The following SCAPER variants were observed in gnomAD, a reference collection of about 807,000 sequenced individuals.
SCAPER encodes the protein S phase cyclin A-associated protein in the endoplasmic reticulum.
Under a neutral mutation model 182.2 loss-of-function variants are expected in SCAPER, and 98 were observed. That is an observed-to-expected ratio of 0.54 (90% CI 0.46 to 0.64). The LOEUF is 0.64. Ranked by LOEUF, SCAPER falls within the 30% of genes least tolerant of loss-of-function variation. SCAPER has a pLI of 0.00. For synonymous variants in SCAPER, 605 were observed against 564.6 expected, an observed-to-expected ratio of 1.07 and a Z score of -1.01; for missense variants, 1,432 against 1,690.0, an observed-to-expected ratio of 0.85 and a Z score of 2.68.
At chr15:76,730,597 C>T (rs1459292552) in intron 16 of SCAPER, among the ~76,000 whole-genome samples, 1 of 151,650 alleles carries the variant, frequency 6.6e-6, no homozygotes, top group African/African-American at 2.4e-5. Context: ...AAAAAAATTC[C>T]TCTTATAGTC....
chr15:76,468,717 G>A (rs2049889802), intron 25 of SCAPER, among the ~76,000 whole-genome samples: 1 of 152,086 alleles, frequency 6.6e-6, no homozygotes, highest in Non-Finnish European at 1.5e-5. Context: ...ATCATTTACT[G>A]TATGTACTAG....
chr15:76,632,250 C>T (rs1210349375), intron 21 of SCAPER, among the ~76,000 whole-genome samples: 1 of 152,102 alleles, frequency 6.6e-6, no homozygotes, highest in African/African-American at 2.4e-5. Flanking sequence ...AGTGCAGTGG[C>T]ACAATCTCAG....
At chr15:76,477,058 T>C (rs1359423993) in intron 24 of SCAPER, among the ~76,000 whole-genome samples, 1 of 152,110 alleles carries the variant, frequency 6.6e-6, no homozygotes, top group Non-Finnish European at 1.5e-5. Context: ...AACTTAGGTG[T>C]TGAAGTTACA....
chr15:76,518,595 A>T (rs1259151320), intron 23 of SCAPER, among the ~76,000 whole-genome samples: 1 of 152,038 alleles, frequency 6.6e-6, no homozygotes, highest in African/African-American at 2.4e-5. Flanking sequence ...GGAGCTAGAG[A>T]CCCTCCTGTT....
In SCAPER at chr15:76,348,380, A is replaced by G. The variant is rs2040310678; in HGVS notation, c.*253T>C. ...CACCCATATCACAAATGCAAAGTAT[A>G]TATTATCATAAGATGGAAATTACCA... On this transcript the variant is annotated 3_prime_UTR_variant, in exon 32 of 32. Transcript: ENST00000563290. 3.7e-6 allele frequency: 1 copy of G among 268,852 alleles called. No individual in the cohort carries two copies. The highest frequency in any genetic ancestry group is 7.0e-6 in the Non-Finnish European group (1 of 142,310). The allele number at this position is 268,852 out of a possible 1,614,324, so 16.7% of individuals were successfully genotyped here. A position where few individuals can be genotyped will look rare whatever the true frequency, so the allele number is the denominator to read the frequency against.
rs187419464 is a variant in SCAPER at position 76,765,741 on chromosome 15, C to T, written c.1420-103G>A. 52 of 957,852 alleles carry T rather than the reference C, an allele frequency of 5.4e-5. No individual in the cohort carries two copies. In the East Asian group the frequency reaches 1.3e-3, roughly 24 times the overall value. 59.3% of individuals were successfully genotyped at this position (957,852 alleles called of 1,614,324 possible). A position where few individuals can be genotyped will look rare whatever the true frequency, so the allele number is the denominator to read the frequency against. ...ATGTCCTACCTATTGTTAATATATTCTATTTAACCAACAGTTGAAAACCAG... is the reference window on the plus strand; with the variant it reads ...ATGTCCTACCTATTGTTAATATATTTTATTTAACCAACAGTTGAAAACCAG... On this transcript the variant is annotated intron_variant, in intron 11 of 31. Coordinates refer to ENST00000563290, the MANE Select transcript of SCAPER (RefSeq NM_020843.4).
intron 4 of SCAPER, among the ~76,000 whole-genome samples, chr15:76,843,082 AC>A (rs1265768308): frequency 6.6e-6 from 1 of 152,148 alleles, no homozygotes; most frequent in Non-Finnish European, 1.5e-5. Flanking sequence ...ATTCATCCCT[AC>A]CTGTTTATGA....
At chr15:76,619,324 T>C (rs995161174) in intron 22 of SCAPER, among the ~76,000 whole-genome samples, 1 of 152,244 alleles carries the variant, frequency 6.6e-6, no homozygotes, top group African/African-American at 2.4e-5. Flanking sequence ...AACCTATACA[T>C]TCATCTTTTG....
At chr15:76,522,766 C>T (rs921342636) in intron 23 of SCAPER, among the ~76,000 whole-genome samples, 1 of 151,926 alleles carries the variant, frequency 6.6e-6, no homozygotes, top group Non-Finnish European at 1.5e-5. Flanking sequence ...TGTGACTATA[C>T]TAAAAGCCAC....
At chr15:76,838,405 A>G (rs2069142908) in intron 5 of SCAPER, among the ~76,000 whole-genome samples, 1 of 152,200 alleles carries the variant, frequency 6.6e-6, no homozygotes, top group East Asian at 1.9e-4. Context: ...ACTCCATCAG[A>G]GTTTTACATA....
At position 76,381,608 on chromosome 15, in the gene SCAPER, T is replaced by G; in HGVS notation, c.3475A>C (p.Ser1159Arg). ...TCCTGGCGATTATTGTCAAATATGC[T>G]GTATGACCTGACAAAGAAACATTCA... ...LCFAVTGRSY[S>R]IFDNNRQDPT... is the part of the protein sequence containing the mutation. Residue 1159 changes from serine (S) to arginine (R), a missense_variant, in exon 28 of 32, where the codon AGC (serine) becomes CGC (arginine). By Grantham distance (110) the Ser-to-Arg change is moderately radical (BLOSUM62 -1). Around this residue, in one of 5 missense-constraint regions of SCAPER, gnomAD observed 718 missense variants for 799.7 expected, o/e 0.90. Coordinates refer to ENST00000563290, the MANE Select transcript of SCAPER (RefSeq NM_020843.4). 3.8e-6 allele frequency: 6 copies of G among 1,583,432 alleles called. No individual in the cohort carries two copies. The highest frequency in any genetic ancestry group is 5.2e-6 in the Non-Finnish European group (6 of 1,163,514).
chr15:76,683,664 G>A (rs1357402635), intron 20 of SCAPER, among the ~76,000 whole-genome samples: 2 of 151,794 alleles, frequency 1.3e-5, no homozygotes, highest in African/African-American at 2.4e-5. Context: ...CTAGAAAGAA[G>A]GCACAGATCA....
At chr15:76,609,070 G>A (rs759067343) in intron 22 of SCAPER, among the ~76,000 whole-genome samples, 19 of 152,130 alleles carry the variant, frequency 1.2e-4, no homozygotes, top group Non-Finnish European at 1.8e-4. Context: ...AGATGAACCC[G>A]GTACCTCAGT....
intron 27 of SCAPER, among the ~76,000 whole-genome samples, chr15:76,394,720 C>T (rs1457335660): frequency 6.6e-6 from 1 of 152,104 alleles, no homozygotes; most frequent in African/African-American, 2.4e-5. Flanking sequence ...TTTGTGGGTA[C>T]ACAGTAGGTA....
intron 8 of SCAPER, among the ~76,000 whole-genome samples, chr15:76,788,039 T>G (rs2064740474): frequency 1.3e-5 from 2 of 152,130 alleles, no homozygotes; most frequent in Non-Finnish European, 2.9e-5. Context: ...GAGCAAACAT[T>G]TCACTGAAGA....
At chr15:76,589,213 T>C (rs925404191) in intron 22 of SCAPER, among the ~76,000 whole-genome samples, 1 of 152,044 alleles carries the variant, frequency 6.6e-6, no homozygotes, top group African/African-American at 2.4e-5. Context: ...GGAGGTGGCA[T>C]TTTCAAGAGA....
chr15:76,565,211 G>C (rs1432560341), intron 23 of SCAPER, among the ~76,000 whole-genome samples: 1 of 152,038 alleles, frequency 6.6e-6, no homozygotes, highest in African/African-American at 2.4e-5. Context: ...AAACTATCAA[G>C]AGAGTAAACA....
intron 19 of SCAPER, among the ~76,000 whole-genome samples, chr15:76,702,429 T>A (rs2059008685): frequency 6.6e-6 from 1 of 152,096 alleles, no homozygotes; most frequent in Admixed American, 6.6e-5. Flanking sequence ...GAAATCCAGG[T>A]CACTCAGCAG....
intron 25 of SCAPER, among the ~76,000 whole-genome samples, chr15:76,440,261 C>T (rs768309287): frequency 5.9e-5 from 9 of 152,144 alleles, no homozygotes; most frequent in Admixed American, 1.3e-4. Flanking sequence ...TTTATAGGAC[C>T]AAGCCCTGAA....
Sources: gnomAD v4.1 joint callset for allele counts (sites outside exome capture counted in the v4.1 genomes callset) on GRCh38, gnomAD v4.1.1 for gene constraint, gnomAD v4.1.1 regional missense constraint, MANE v1.5 for transcripts, NCBI Gene and HGNC (gene_info 2026-07-23, HGNC 2026-07-21) for gene names.